SPINK8: variants seen among roughly 807,000 people sequenced by gnomAD.
SPINK8 encodes serine peptidase inhibitor Kazal type 8 (putative).
In SPINK8, 12 loss-of-function variants were observed where a neutral mutation model predicts 14.4. The observed-to-expected ratio is 0.83, with a 90% CI of 0.53 to 1.35. SPINK8 has a LOEUF of 1.35. Among genes scored for constraint, SPINK8 ranks in the 40% most tolerant of loss-of-function variants. SPINK8 has a pLI of 0.00. For synonymous variants in SPINK8, 32 were observed against 37.6 expected (o/e 0.85, Z 0.55); for missense variants, 103 against 117.0 (o/e 0.88, Z 0.55).
At chr3:48,322,030 G>A (rs1224843539) in intron 4 of SPINK8, among the ~76,000 whole-genome samples, 1 of 151,988 alleles carries the variant, frequency 6.6e-6, no homozygotes, top group Non-Finnish European at 1.5e-5. Context: ...TGTACAGGCT[G>A]GTCTGGAATT....
At chr3:48,321,568 T>A (rs896092129) in intron 4 of SPINK8, among the ~76,000 whole-genome samples, 7 of 151,660 alleles carry the variant, frequency 4.6e-5, no homozygotes, top group African/African-American at 1.7e-4. Flanking sequence ...TTCTTGGGTA[T>A]AATTCACATA....
At position 48,306,909 on chromosome 3, in the gene SPINK8, G is replaced by C. The variant is rs891332141; in HGVS notation, c.*83C>G. The C allele has an allele frequency of 2.9e-6, 4 of 1,390,156 alleles. No individual in the cohort carries two copies. The African/African-American group carries it at 5.7e-5, about 20-fold the overall frequency. 86.1% of individuals were successfully genotyped at this position (1,390,156 alleles called of 1,614,324 possible). ...TTTGATCCAACCATTAGTAATTAAA[G>C]GGGATATATTTGAAGAGGCAACCAT... On this transcript the variant is annotated 3_prime_UTR_variant, in exon 8 of 8. Coordinates refer to ENST00000434006, the MANE Select transcript of SPINK8 (RefSeq NM_001080525.3).
Position 48,321,086 on chromosome 3 carries a change from AAGCAC to A in SPINK8, c.68-17_68-13del. ...AGGAAGGGGGAAGTCTGGAAGACAA[AAGCAC>A]ATACAGAAAAGTTGCTTCTCTGTCT... On this transcript the variant is annotated splice_polypyrimidine_tract_variant and intron_variant, in intron 4 of 7. Coordinates refer to ENST00000434006, the MANE Select transcript of SPINK8 (RefSeq NM_001080525.3). 1 of 1,571,286 alleles carries A rather than the reference AAGCAC, an allele frequency of 6.4e-7. No homozygotes were observed. The highest frequency in any genetic ancestry group is 8.6e-7 in the Non-Finnish European group (1 of 1,156,938).
intron 6 of SPINK8, among the ~76,000 whole-genome samples, chr3:48,318,916 T>C (rs2036031063): frequency 6.6e-6 from 1 of 152,028 alleles, no homozygotes; most frequent in Admixed American, 6.6e-5. Context: ...GTATACGGAG[T>C]TTCCTTCATA....
chr3:48,332,022 C>T (rs750127987), intron 2 of SPINK8, among the ~76,000 whole-genome samples: 3 of 152,164 alleles, frequency 2.0e-5, no homozygotes, highest in Non-Finnish European at 2.9e-5. Flanking sequence ...GGGCAGTGGG[C>T]CTTCCAGTGA....
chr3:48,326,335 C>T (rs562649182), intron 4 of SPINK8, among the ~76,000 whole-genome samples: 1 of 152,120 alleles, frequency 6.6e-6, no homozygotes, highest in Admixed American at 6.5e-5. Flanking sequence ...TGGCCGGGCG[C>T]GGTGGCTCAC....
intron 2 of SPINK8, among the ~76,000 whole-genome samples, chr3:48,331,881 TC>T (rs1027964916): frequency 2.0e-5 from 3 of 152,194 alleles, no homozygotes; most frequent in African/African-American, 7.2e-5. Flanking sequence ...ACAGTTAACC[TC>T]CTGGCCCTCA....
chr3:48,307,055 A>G, intron 7 of SPINK8, 52 bp from the exon 8 acceptor site: 2 of 1,575,664 alleles, frequency 1.3e-6, no homozygotes, highest in Non-Finnish European at 1.7e-6. Flanking sequence ...AGTTAAGAGA[A>G]AAGCCACCAC....
intron 4 of SPINK8, among the ~76,000 whole-genome samples, chr3:48,322,039 T>C (rs576389941): frequency 6.6e-6 from 1 of 152,130 alleles, no homozygotes; most frequent in Non-Finnish European, 1.5e-5. Flanking sequence ...TGGTCTGGAA[T>C]TCCTGGGCTT....
At chr3:48,312,890 C>G (rs1036445640) in intron 6 of SPINK8, among the ~76,000 whole-genome samples, 11 of 149,076 alleles carry the variant, frequency 7.4e-5, no homozygotes, top group African/African-American at 2.7e-4. Flanking sequence ...CCCAGCTACT[C>G]CGGAGGCTGA....
At chr3:48,324,219 T>C (rs1185710049) in intron 4 of SPINK8, among the ~76,000 whole-genome samples, 2 of 152,214 alleles carry the variant, frequency 1.3e-5, no homozygotes, top group Non-Finnish European at 2.9e-5. Context: ...TGGTAAATTA[T>C]CCTTAGGTAT....
intron 2 of SPINK8, among the ~76,000 whole-genome samples, chr3:48,331,015 C>G (rs543969919): frequency 2.3e-4 from 35 of 152,048 alleles, no homozygotes; most frequent in Non-Finnish European, 4.7e-4. Context: ...GCTAGCAGGC[C>G]GGTCCAAGGA....
In SPINK8 at chr3:48,329,246, G is replaced by C. The variant is rs1244398913; in HGVS notation, c.-107C>G. Among the ~76,000 whole-genome samples the C allele has an allele frequency of 6.6e-6, 1 of 152,214 alleles. No individual in the cohort carries two copies. The highest frequency in any genetic ancestry group is 1.5e-5 in the Non-Finnish European group (1 of 68,040). On this transcript the variant is annotated 5_prime_UTR_variant, in exon 3 of 8. Coordinates refer to ENST00000434006, the MANE Select transcript of SPINK8 (RefSeq NM_001080525.3). ...ATAATGAACTAGGAAGGAAGGCAAAGCTTATTTGTCTTTTCAAGGTTCCAA... is the reference window on the plus strand; with the variant it reads ...ATAATGAACTAGGAAGGAAGGCAAACCTTATTTGTCTTTTCAAGGTTCCAA...
rs1560017193 is a variant in SPINK8 at position 48,319,637 on chromosome 3, C to T, written c.118-19G>A. The T allele has an allele frequency of 6.2e-7, 1 of 1,613,656 alleles. No individual in the cohort carries two copies. The highest frequency in any genetic ancestry group is 8.5e-7 in the Non-Finnish European group (1 of 1,179,700). ...ATTCAACCTGAAGGTGAGACACACA[C>T]AACTGCTTCAGACACTTTCATCCAG... On this transcript the variant is annotated intron_variant, in intron 5 of 7. Transcript: ENST00000434006.
chr3:48,319,366 C>G (rs1474013677), intron 6 of SPINK8, 131 bp downstream of exon 6: 1 of 1,080,828 alleles, frequency 9.3e-7, no homozygotes, highest in African/African-American at 1.6e-5. Context: ...AAGGGAGGAA[C>G]AAATACTGGA....
chr3:48,314,987 C>G (rs976554738), intron 6 of SPINK8, among the ~76,000 whole-genome samples: 1 of 152,146 alleles, frequency 6.6e-6, no homozygotes. Context: ...TTTAAACTGC[C>G]TGGTTGAGTA....
chr3:48,326,770 G>A (rs771480861), intron 4 of SPINK8, among the ~76,000 whole-genome samples: 3 of 152,046 alleles, frequency 2.0e-5, no homozygotes, highest in Non-Finnish European at 4.4e-5. Flanking sequence ...ATTTAGCCAG[G>A]CATGGTGGCA....
At chr3:48,323,032 G>A (rs994990123) in intron 4 of SPINK8, among the ~76,000 whole-genome samples, 1 of 152,128 alleles carries the variant, frequency 6.6e-6, no homozygotes, top group Non-Finnish European at 1.5e-5. Flanking sequence ...ATTCCCATCA[G>A]CAAGGCACGA....
intron 4 of SPINK8, among the ~76,000 whole-genome samples, chr3:48,323,846 TTTCTA>T (rs1351018171): frequency 1.3e-5 from 2 of 152,204 alleles, no homozygotes; most frequent in African/African-American, 4.8e-5. Context: ...TTGACCTGTA[TTTCTA>T]TTCTCATGCT....
Sources: allele counts gnomAD v4.1 joint callset (sites outside exome capture counted in the v4.1 genomes callset), GRCh38; gene constraint gnomAD v4.1.1; transcripts MANE v1.5; gene names NCBI Gene and HGNC (gene_info 2026-07-23, HGNC 2026-07-21).